TTN: variants seen among roughly 807,000 people sequenced by gnomAD.
The protein encoded by TTN is connectin.
In TTN, 1,525 loss-of-function variants were observed where a neutral mutation model predicts 3,223.0. The ratio of observed to expected loss-of-function variants is 0.47; its 90% CI spans 0.45 to 0.49. The LOEUF (loss-of-function observed/expected upper bound fraction) is 0.49. Ranked by LOEUF, TTN falls within the 20% of genes least tolerant of loss-of-function variation. The pLI is 0.00. For synonymous variants in TTN, 14,094 were observed against 15,161.0 expected, an observed-to-expected ratio of 0.93 and a Z score of 5.17; for missense variants, 40,786 against 43,424.0, an observed-to-expected ratio of 0.94 and a Z score of 5.40.
At position 178,621,527 on chromosome 2, in the gene TTN, G is replaced by T. The variant is rs746107267; in HGVS notation, c.45297C>A (p.Asn15099Lys). ...IQNAHLEDAGNYNCRLPSSRT... is the reference protein window; with the variant it reads ...IQNAHLEDAGKYNCRLPSSRT... Reference sequence around the variant, plus strand: ...GAGAGCTTGGGAGTCGACAGTTGTAGTTGCCAGCATCCTCAAGGTGAGCGT... The same window carrying T: ...GAGAGCTTGGGAGTCGACAGTTGTATTTGCCAGCATCCTCAAGGTGAGCGT... The change falls in exon 245 of 363, where the codon AAC becomes AAA. Residue 15099 changes from asparagine (N) to lysine (K), a missense_variant. Transcript: ENST00000589042. The T allele has an allele frequency of 2.5e-6, 4 of 1,612,412 alleles. No homozygotes were observed. The Admixed American group carries it at 6.7e-5, about 27-fold the overall frequency.
chr2:178,726,967 C>T (rs2079447132), intron 69 of TTN, 123 bp downstream of exon 69: 1 of 1,051,842 alleles, frequency 9.5e-7, no homozygotes, highest in East Asian at 2.8e-5. Flanking sequence ...ATAATACTAG[C>T]TCAGAAAAAT....
At chr2:178,675,606 T>C in intron 149 of TTN, 65 bp downstream of exon 149, 2 of 1,213,248 alleles carry the variant, frequency 1.6e-6, no homozygotes, top group Non-Finnish European at 2.2e-6. Flanking sequence ...TTGAGTGTCC[T>C]GTGTGGATAG....
Position 178,579,548 on chromosome 2 carries a change from C to T in TTN, c.67636+13G>A, listed in dbSNP as rs1575872337. ...AATAAAGGAAAAATGAAGATGTGTG[C>T]ATAGAGCCTTACCAACATCATCCCT... On this transcript the variant is annotated intron_variant, in intron 319 of 362. Coordinates refer to ENST00000589042, the MANE Select transcript of TTN (RefSeq NM_001267550.2). 2 of 1,612,448 alleles carry T rather than the reference C, an allele frequency of 1.2e-6. No homozygotes were observed. The highest frequency in any genetic ancestry group is 2.2e-5 in the South Asian group (2 of 91,008).
intron 273 of TTN, 91 bp downstream of exon 273, chr2:178,609,117 G>A: frequency 7.3e-7 from 1 of 1,371,984 alleles, no homozygotes; most frequent in Non-Finnish European, 9.6e-7. Flanking sequence ...CTGAAGCTAT[G>A]TCCCATTTCT....
rs1446819332 is a variant in TTN, at chr2:178,610,505, G to C, written c.51137-116C>G. On this transcript the variant is annotated intron_variant, in intron 270 of 362. Transcript: ENST00000589042. ...GGGTAGGATAATCTTTGATGTGCTG[G>C]AGTGTCATTCACACTGCAGAGCATT... 5.4e-6 allele frequency: 6 copies of C among 1,112,080 alleles called. No homozygotes were observed. In the African/African-American group the frequency reaches 9.5e-5, roughly 18 times the overall value. 68.9% of individuals were successfully genotyped at this position (1,112,080 alleles called of 1,614,324 possible). A position where few individuals can be genotyped will look rare whatever the true frequency, so the allele number is the denominator to read the frequency against.
rs754893239 is a variant in TTN at position 178,548,647 on chromosome 2, T to C, written c.92979A>G (p.Lys30993=). Residue 30993 remains lysine, a synonymous_variant, in exon 339 of 363, where the codon AAA becomes AAG. Coordinates refer to ENST00000589042, the MANE Select transcript of TTN (RefSeq NM_001267550.2). The surrounding 1 kb of genome is among the most constrained non-coding windows in gnomAD (Gnocchi z 4.3). ...VENCNRNDAG[K]YTLTVENNSG... is the part of the protein sequence containing the mutation. ...TGTTGTTTTCCACAGTAAGGGTATA[T>C]TTCCCTGCATCATTTCTGTTGCAGT... 1.2e-6 allele frequency: 2 copies of C among 1,613,776 alleles called. No individual in the cohort carries two copies. Among genetic ancestry groups the C allele is most frequent in the African/African-American group, 2.7e-5 (2 of 74,920 alleles).
In TTN at chr2:178,768,856, A is replaced by T; in HGVS notation, c.8980T>A (p.Tyr2994Asn). The T allele has an allele frequency of 1.2e-6, 2 of 1,614,120 alleles. No individual in the cohort carries two copies. Among genetic ancestry groups the T allele is most frequent in the Non-Finnish European group, 1.7e-6 (2 of 1,180,012 alleles). ...DTITFEVTVN[Y>N]EGISYKWLKN... Reference sequence around the variant, plus strand: ...AACCATTTGTAAGAGATGCCTTCATAGTTCACTGTCACCTCAAAAGTAATA... The same window carrying T: ...AACCATTTGTAAGAGATGCCTTCATTGTTCACTGTCACCTCAAAAGTAATA... The change falls in exon 38 of 363, where the codon TAT becomes AAT. Residue 2994 changes from tyrosine (Y) to asparagine (N), a missense_variant. Coordinates refer to ENST00000589042, the MANE Select transcript of TTN (RefSeq NM_001267550.2).
chr2:178,764,022 TA>T (rs1422148625), intron 43 of TTN, among the ~76,000 whole-genome samples, 154 bp downstream of exon 43: 1 of 152,228 alleles, frequency 6.6e-6, no homozygotes, highest in Non-Finnish European at 1.5e-5. Context: ...ATCTAATTCT[TA>T]ATTTAATAAT....
intron 19 of TTN, 41 bp from the exon 20 acceptor site, chr2:178,782,468 A>G: frequency 6.2e-7 from 1 of 1,613,832 alleles, no homozygotes. Flanking sequence ...CCGGGTTGCA[A>G]TTTGCCAATA....
rs375810467 is a variant in TTN at position 178,650,279 on chromosome 2, G to T, written c.39710-8C>A. On this transcript the variant is annotated splice_region_variant and splice_polypyrimidine_tract_variant and intron_variant, in intron 209 of 362. Transcript: ENST00000589042. Reference sequence around the variant, plus strand: ...CCTCAGGTTCTTCATATACTTTAAAGATATTAGTTAATTTTATTTCAATGT... The same window carrying T: ...CCTCAGGTTCTTCATATACTTTAAATATATTAGTTAATTTTATTTCAATGT... 5.2e-6 allele frequency: 8 copies of T among 1,552,018 alleles called. No homozygotes were observed. In the African/African-American group the frequency reaches 9.6e-5, roughly 19 times the overall value.
chr2:178,788,200 G>T (rs2093309015), intron 13 of TTN, among the ~76,000 whole-genome samples: 1 of 152,036 alleles, frequency 6.6e-6, no homozygotes, highest in Admixed American at 6.6e-5. Flanking sequence ...TCTCGAAAAA[G>T]ATGTATTTGT....
At chr2:178,580,737 T>A in intron 316 of TTN, 128 bp from the exon 317 acceptor site, 1 of 885,490 alleles carries the variant, frequency 1.1e-6, no homozygotes, top group Non-Finnish European at 1.7e-6. Flanking sequence ...AAAACTTCCT[T>A]AATACAATCC....
chr2:178,531,770 G>T lies in TTN; in HGVS notation c.104845C>A (p.Arg34949Ser), dbSNP rs576270358. Residue 34949 changes from arginine (R) to serine (S), a missense_variant, in exon 358 of 363, where the codon CGC (arginine) becomes AGC (serine). By Grantham distance (110) the Arg-to-Ser change is moderately radical (BLOSUM62 -1). Coordinates refer to ENST00000589042, the MANE Select transcript of TTN (RefSeq NM_001267550.2). ...TGGCCACATGGTACCCTGTGCGAGC[G>T]CATTCTCAGTGTGATTCGAGGGGCA... ...DHAPRITLRM[R>S]SHRVPCGQNT... The T allele has an allele frequency of 6.2e-7, 1 of 1,613,860 alleles. No homozygotes were observed. Among genetic ancestry groups the T allele is most frequent in the African/African-American group, 1.3e-5 (1 of 74,926 alleles).
Position 178,533,154 on chromosome 2 carries a change from A to G in TTN, c.103461T>C (p.Leu34487=). 15 of 1,613,956 alleles carry G rather than the reference A, an allele frequency of 9.3e-6. No homozygotes were observed. The highest frequency in any genetic ancestry group is 1.3e-5 in the Non-Finnish European group (15 of 1,179,860). The change falls in exon 358 of 363, where the codon CTT becomes CTC. Residue 34487 remains leucine, a synonymous_variant. Transcript: ENST00000589042. ...IDKTLRMAEI[L]SGTESVPLTQ... ...TCAGTGGTACACTTTCAGTTCCAGAAAGAATTTCAGCCATTCTGAGGGTTT... is the reference window on the plus strand; with the variant it reads ...TCAGTGGTACACTTTCAGTTCCAGAGAGAATTTCAGCCATTCTGAGGGTTT...
Position 178,651,949 on chromosome 2 carries a change from T to G in TTN, c.39314A>C (p.Glu13105Ala), listed in dbSNP as rs1045161655. Residue 13105 changes from glutamate (E) to alanine (A), a missense_variant, in exon 205 of 363, where the codon GAA (glutamate) becomes GCA (alanine). Glu to Ala is a moderately radical substitution (Grantham distance 107, BLOSUM62 -1). Coordinates refer to ENST00000589042, the MANE Select transcript of TTN (RefSeq NM_001267550.2). ...AGCAGGAGGCTCTTCTAGGGCAACT[T>G]CCTCAGGCTCCTCGAACACTTTAAA... ...PPPEVFEEPE[E>A]VALEEPPAEV... The G allele has an allele frequency of 6.2e-7, 1 of 1,610,388 alleles. No homozygotes were observed. The highest frequency in any genetic ancestry group is 1.3e-5 in the African/African-American group (1 of 74,906).
intron 193 of TTN, 29 bp from the exon 194 acceptor site, chr2:178,654,124 T>C: frequency 1.3e-6 from 2 of 1,594,752 alleles, no homozygotes; most frequent in Non-Finnish European, 1.7e-6. Context: ...TTTTATAATT[T>C]ATGAATGGCG....
rs368985748 is a variant in TTN at position 178,578,124 on chromosome 2, C to T, written c.68391G>A (p.Pro22797=). The part of the protein sequence containing the change: ...SLLWKRANKT[P]IRMRDFKVTG... ...TCACTTTAAAGTCTCTCATCCTTAT[C>T]GGAGTCTTGTTAGCTCTCTTCCACA... Residue 22797 remains proline (P), a synonymous_variant, in exon 322 of 363, where the codon CCG becomes CCA. Transcript: ENST00000589042. 68 of 1,613,072 alleles carry T rather than the reference C, an allele frequency of 4.2e-5. No homozygotes were observed. The highest frequency in any genetic ancestry group is 5.0e-5 in the Admixed American group (3 of 59,960).
Position 178,552,704 on chromosome 2 carries a change from C to T in TTN, c.90196G>A (p.Val30066Ile), listed in dbSNP as rs1166369536. The T allele has an allele frequency of 6.2e-7, 1 of 1,613,816 alleles. No individual in the cohort carries two copies. ...TCACCTTTACCTTTCCTTTCTACAA[C>T]ATATTCTGTGATGACGCTACCACCA... is the stretch of plus-strand genomic sequence containing the variant. ...FDGGSVITEY[V>I]VERKGKGEQT... The change falls in exon 335 of 363, where the codon GTT becomes ATT. Residue 30066 changes from valine (V) to isoleucine (I), a missense_variant. Val to Ile is a conservative substitution (Grantham distance 29). Transcript: ENST00000589042.
chr2:178,563,035 G>A lies in TTN; in HGVS notation c.83097C>T (p.Ile27699=). 1 of 1,613,640 alleles carries A rather than the reference G, an allele frequency of 6.2e-7. No individual in the cohort carries two copies. Among genetic ancestry groups the A allele is most frequent in the Non-Finnish European group, 8.5e-7 (1 of 1,179,698 alleles). The change falls in exon 326 of 363, where the codon ATC becomes ATT. Residue 27699 remains isoleucine, a synonymous_variant. Transcript: ENST00000589042. This position sits in a 1 kb window ranked among gnomAD's most constrained non-coding sequence, Gnocchi z 4.5. ...ASATLRLFVT[I]KGRPEPEVKW... is the part of the protein sequence containing the mutation. ...TAACTTCGGGTTCTGGTCGACCTTT[G>A]ATAGTGACAAATAAGCGTAAAGTAG...
Sources: gnomAD v4.1 joint callset for allele counts (sites outside exome capture counted in the v4.1 genomes callset) on GRCh38, gnomAD v4.1.1 for gene constraint, Gnocchi (gnomAD v3.1) non-coding constraint, MANE v1.5 for transcripts, NCBI Gene and HGNC (gene_info 2026-07-23, HGNC 2026-07-21) for gene names.